Variants in SLC10A4 observed in about 807,000 individuals in gnomAD.
SLC10A4 encodes the protein putative sodium/bile acid cotransporter 4.
In SLC10A4, 17 loss-of-function variants were observed where a neutral mutation model predicts 22.5. The observed-to-expected ratio is 0.76, with a 90% CI of 0.52 to 1.14. SLC10A4 has a LOEUF of 1.14. SLC10A4 is among the 50% of genes most tolerant of loss of function. The pLI is 0.00. For missense variants in SLC10A4, 548 were observed against 584.0 expected, an observed-to-expected ratio of 0.94 and a Z score of 0.64; for synonymous variants, 257 against 258.2, an observed-to-expected ratio of 1.00 and a Z score of 0.04.
In SLC10A4 at chr4:48,483,628, C is replaced by T. The variant is rs191494036; in HGVS notation, c.67C>T (p.Pro23Ser). Reference protein sequence around the residue: ...PLLRDNYTLAPNASSLGPGTD... With the variant: ...PLLRDNYTLASNASSLGPGTD... Reference sequence around the variant, plus strand: ...GCTGCGGGACAACTACACCCTGGCGCCCAATGCCAGCAGCCTGGGCCCCGG... The same window carrying T: ...GCTGCGGGACAACTACACCCTGGCGTCCAATGCCAGCAGCCTGGGCCCCGG... The change falls in exon 1 of 3, where the codon CCC (proline) becomes TCC (serine). Residue 23 changes from proline (P) to serine (S), a missense_variant. Around this residue, in one of 3 missense-constraint regions of SLC10A4, gnomAD observed 225 missense variants for 206.9 expected, o/e 1.09. Coordinates refer to ENST00000273861, the MANE Select transcript of SLC10A4 (RefSeq NM_152679.4). This position sits in a 1 kb window ranked among gnomAD's most constrained non-coding sequence, Gnocchi z 5.4. The T allele has an allele frequency of 1.2e-4, 184 of 1,495,274 alleles. 1 individual carries two copies. In the East Asian group the frequency reaches 2.7e-3, roughly 22 times the overall value. 92.6% of individuals were successfully genotyped at this position (1,495,274 alleles called of 1,614,324 possible).
Position 48,488,833 on chromosome 4 carries a change from A to C in SLC10A4, c.1208A>C (p.Asp403Ala), listed in dbSNP as rs1462255745. 1.9e-6 allele frequency: 3 copies of C among 1,613,872 alleles called. No individual in the cohort carries two copies. Among genetic ancestry groups the C allele is most frequent in the Non-Finnish European group, 2.5e-6 (3 of 1,180,006 alleles). ...CCTCTAGATGAAGATGAAGATACAG[A>C]TATTTCTTATAAAAAACTAAAAGAA... ...RDPLDEDEDT[D>A]ISYKKLKEEE... The change falls in exon 3 of 3, where the codon GAT (aspartate) becomes GCT (alanine). Residue 403 changes from aspartate to alanine, a missense_variant. Physicochemically the swap from Asp to Ala is moderately radical, Grantham distance 126. Around this residue, in one of 3 missense-constraint regions of SLC10A4, gnomAD observed 314 missense variants for 353.2 expected, o/e 0.89. Coordinates refer to ENST00000273861, the MANE Select transcript of SLC10A4 (RefSeq NM_152679.4).
chr4:48,486,818 A>C (rs1718290328), intron 2 of SLC10A4, among the ~76,000 whole-genome samples: 1 of 152,178 alleles, frequency 6.6e-6, no homozygotes, highest in Non-Finnish European at 1.5e-5. Flanking sequence ...GGTTTCTGCC[A>C]ATTATGCATC....
rs1182444113 is a variant in SLC10A4 at position 48,484,166 on chromosome 4, A to G, written c.590+15A>G. 1.9e-6 allele frequency: 3 copies of G among 1,542,080 alleles called. No individual in the cohort carries two copies. Among genetic ancestry groups the G allele is most frequent in the South Asian group, 2.4e-5 (2 of 81,738 alleles). On this transcript the variant is annotated intron_variant, in intron 1 of 2. Transcript: ENST00000273861. ...ATGAACCTCAGGTACGGATCTGTCT[A>G]TTCCTTGGGCATCTGTCTCATCCCA... is the stretch of plus-strand genomic sequence containing the variant.
Position 48,483,494 on chromosome 4 carries a change from G to A in SLC10A4, c.-68G>A, listed in dbSNP as rs1718216274. The A allele has an allele frequency of 1.5e-6, 2 of 1,330,322 alleles. No individual in the cohort carries two copies. The highest frequency in any genetic ancestry group is 2.0e-6 in the Non-Finnish European group (2 of 1,006,462). The allele number at this position is 1,330,322 out of a possible 1,614,324, so 82.4% of individuals were successfully genotyped here. ...ACGGGCAGAACGACGGGCGGCGACT[G>A]CGGCGACCGCGGGACGGCGAGAGGC... On this transcript the variant is annotated 5_prime_UTR_variant, in exon 1 of 3. Transcript: ENST00000273861. This position sits in a 1 kb window ranked among gnomAD's most constrained non-coding sequence, Gnocchi z 5.4.
chr4:48,488,753 GA>G lies in SLC10A4; in HGVS notation c.1129del (p.Ile377PhefsTer4). On this transcript the variant is annotated frameshift_variant, in exon 3 of 3. Transcript: ENST00000273861. LOFTEE classifies it high-confidence loss of function. Reference sequence around the variant, plus strand: ...CACTTTTCCAGTCTGCAGAAGCGGGGATTTTTGTTTTAATCTATAAAATGTA... The same window carrying G: ...CACTTTTCCAGTCTGCAGAAGCGGGGTTTTTGTTTTAATCTATAAAATGTA... ...YALFQSAEAG[I>X]FVLIYKMYGS... 6.2e-7 allele frequency: 1 copy of G among 1,614,014 alleles called. No individual in the cohort carries two copies. Among genetic ancestry groups the G allele is most frequent in the Non-Finnish European group, 8.5e-7 (1 of 1,180,020 alleles).
At position 48,483,493 on chromosome 4, in the gene SLC10A4, TGCGGCGACC is replaced by T; in HGVS notation, c.-64_-56del. 7.6e-7 allele frequency: 1 copy of T among 1,321,748 alleles called. No homozygotes were observed. Among genetic ancestry groups the T allele is most frequent in the Non-Finnish European group, 1.0e-6 (1 of 999,720 alleles). The allele number at this position is 1,321,748 out of a possible 1,614,324, so 81.9% of individuals were successfully genotyped here. On this transcript the variant is annotated 5_prime_UTR_variant, in exon 1 of 3. Coordinates refer to ENST00000273861, the MANE Select transcript of SLC10A4 (RefSeq NM_152679.4). The surrounding 1 kb of genome is among the most constrained non-coding windows in gnomAD (Gnocchi z 5.4). The stretch of plus-strand genomic sequence containing the variant: ...GACGGGCAGAACGACGGGCGGCGAC[TGCGGCGACC>T]GCGGGACGGCGAGAGGCACGCGGCG...
rs1394149595 is a variant in SLC10A4, at chr4:48,483,364, G to C, written c.-198G>C. 3.4e-6 allele frequency: 1 copy of C among 293,438 alleles called. No individual in the cohort carries two copies. The allele number at this position is 293,438 out of a possible 1,614,324, so 18.2% of individuals were successfully genotyped here. A position where few individuals can be genotyped will look rare whatever the true frequency, so the allele number is the denominator to read the frequency against. On this transcript the variant is annotated 5_prime_UTR_variant, in exon 1 of 3. Coordinates refer to ENST00000273861, the MANE Select transcript of SLC10A4 (RefSeq NM_152679.4). This position sits in a 1 kb window ranked among gnomAD's most constrained non-coding sequence, Gnocchi z 5.4. The stretch of plus-strand genomic sequence containing the variant: ...GTTCACCCGGGGGGCCGCGCTGCGC[G>C]GAGTGCCAGGCTGCGGGCGGCTGCA...
At position 48,488,462 on chromosome 4, in the gene SLC10A4, C is replaced by T. The variant is rs754607797; in HGVS notation, c.837C>T (p.Val279=). The T allele has an allele frequency of 6.8e-6, 11 of 1,611,612 alleles. No individual in the cohort carries two copies. Among genetic ancestry groups the T allele is most frequent in the Non-Finnish European group, 8.5e-6 (10 of 1,178,740 alleles). Reference sequence around the variant, plus strand: ...GGTCTCTGCTAGTGACTCTGGTGGTCCTTTTCATAATGACCGGCACTATGT... The same window carrying T: ...GGTCTCTGCTAGTGACTCTGGTGGTTCTTTTCATAATGACCGGCACTATGT... ...SLWSLLVTLV[V]LFIMTGTMLG... The change falls in exon 3 of 3, where the codon GTC becomes GTT. Residue 279 remains valine (V), a synonymous_variant. Coordinates refer to ENST00000273861, the MANE Select transcript of SLC10A4 (RefSeq NM_152679.4).
intron 1 of SLC10A4, among the ~76,000 whole-genome samples, chr4:48,484,362 G>A (rs1718241296): frequency 6.6e-6 from 1 of 152,236 alleles, no homozygotes; most frequent in Non-Finnish European, 1.5e-5. Context: ...AGACGGCGAG[G>A]GAGCTGCTCC....
chr4:48,487,228 C>T (rs150607740), intron 2 of SLC10A4, among the ~76,000 whole-genome samples: 310 of 152,212 alleles, frequency 2.0e-3, no homozygotes, highest in African/African-American at 7.0e-3. Flanking sequence ...TGTAATAATA[C>T]GTAAGCATCA....
At chr4:48,485,682 A>T (rs533558255) in intron 2 of SLC10A4, among the ~76,000 whole-genome samples, 3 of 152,328 alleles carry the variant, frequency 2.0e-5, no homozygotes, top group African/African-American at 7.2e-5. Flanking sequence ...GAACACACAA[A>T]ATATTGGCTT....
intron 2 of SLC10A4, among the ~76,000 whole-genome samples, chr4:48,486,934 G>A (rs1028271327): frequency 1.3e-5 from 2 of 152,028 alleles, no homozygotes; most frequent in African/African-American, 2.4e-5. Context: ...GTAGAGTTAC[G>A]CCATTCCCGA....
intron 2 of SLC10A4, 56 bp from the exon 3 acceptor site, chr4:48,488,371 G>A (rs1718321001): frequency 1.4e-6 from 2 of 1,475,432 alleles, no homozygotes; most frequent in East Asian, 4.6e-5. Flanking sequence ...CGTGAGCTTA[G>A]GATTCTCTCG....
In SLC10A4 at chr4:48,483,351, G is replaced by A. The variant is rs1327831687; in HGVS notation, c.-211G>A. 1 of 248,784 alleles carries A rather than the reference G, an allele frequency of 4.0e-6. No individual in the cohort carries two copies. Among genetic ancestry groups the A allele is most frequent in the African/African-American group, 2.3e-5 (1 of 43,696 alleles). 15.4% of individuals were successfully genotyped at this position (248,784 alleles called of 1,614,324 possible). On this transcript the variant is annotated 5_prime_UTR_variant, in exon 1 of 3. Coordinates refer to ENST00000273861, the MANE Select transcript of SLC10A4 (RefSeq NM_152679.4). The surrounding 1 kb of genome is among the most constrained non-coding windows in gnomAD (Gnocchi z 5.4). Reference sequence around the variant, plus strand: ...GCGCAGCGATTGGGTTCACCCGGGGGGCCGCGCTGCGCGGAGTGCCAGGCT... The same window carrying A: ...GCGCAGCGATTGGGTTCACCCGGGGAGCCGCGCTGCGCGGAGTGCCAGGCT...
At position 48,483,957 on chromosome 4, in the gene SLC10A4, C is replaced by T. The variant is rs1465798668; in HGVS notation, c.396C>T (p.His132=). The T allele has an allele frequency of 1.3e-6, 2 of 1,545,468 alleles. No homozygotes were observed. Among genetic ancestry groups the T allele is most frequent in the Non-Finnish European group, 1.7e-6 (2 of 1,146,992 alleles). The change falls in exon 1 of 3, where the codon CAC becomes CAT. Residue 132 remains histidine (H), a synonymous_variant. Transcript: ENST00000273861. The surrounding 1 kb of genome is among the most constrained non-coding windows in gnomAD (Gnocchi z 5.4). ...CTVDVNHFGA[H]VRRPVGALLA... ...TGGACGTGAACCACTTCGGGGCGCA[C>T]GTCCGTCGGCCCGTGGGCGCGCTGC...
chr4:48,488,618 T>G lies in SLC10A4; in HGVS notation c.993T>G (p.Thr331=), dbSNP rs373662996. The G allele has an allele frequency of 3.1e-6, 5 of 1,614,004 alleles. No individual in the cohort carries two copies. The African/African-American group carries it at 5.3e-5, about 17-fold the overall frequency. ...ATCTTCCACCCAACTGCAAGAGGAC[T>G]GTATGTCTGGAAACAGGTAGTCAGA... ...LFHLPPNCKR[T]VCLETGSQNV... Residue 331 remains threonine (T), a synonymous_variant, in exon 3 of 3, where the codon ACT becomes ACG. Coordinates refer to ENST00000273861, the MANE Select transcript of SLC10A4 (RefSeq NM_152679.4).
At chr4:48,487,051 A>T (rs950365387) in intron 2 of SLC10A4, among the ~76,000 whole-genome samples, 1 of 152,160 alleles carries the variant, frequency 6.6e-6, no homozygotes, top group Admixed American at 6.5e-5. Context: ...TTAAAAAAAA[A>T]TAAGTTAACT....
In SLC10A4 at chr4:48,484,046, A is replaced by T; in HGVS notation, c.485A>T (p.Lys162Met). The part of the protein sequence containing the change: ...LLAFLLALAF[K>M]LDEVAAVAVL... Reference sequence around the variant, plus strand: ...GCCTTCCTGCTGGCCCTCGCCTTCAAGCTGGACGAGGTGGCCGCCGTGGCG... The same window carrying T: ...GCCTTCCTGCTGGCCCTCGCCTTCATGCTGGACGAGGTGGCCGCCGTGGCG... Residue 162 changes from lysine (K) to methionine (M), a missense_variant, in exon 1 of 3, where the codon AAG becomes ATG. Lys to Met is a moderately conservative substitution (Grantham distance 95). This residue lies in a region of SLC10A4 where 314 missense variants were observed against 353.2 expected (regional missense o/e 0.89). Coordinates refer to ENST00000273861, the MANE Select transcript of SLC10A4 (RefSeq NM_152679.4). 1.2e-6 allele frequency: 2 copies of T among 1,601,988 alleles called. No individual in the cohort carries two copies. The highest frequency in any genetic ancestry group is 1.7e-6 in the Non-Finnish European group (2 of 1,177,982).
chr4:48,485,223 G>C, intron 2 of SLC10A4, 81 bp downstream of exon 2: 1 of 1,444,612 alleles, frequency 6.9e-7, no homozygotes, highest in Non-Finnish European at 9.7e-7. Context: ...AGGAAGTTTG[G>C]AGAAGGCGGA....
Sources: gnomAD v4.1 joint callset for allele counts (sites outside exome capture counted in the v4.1 genomes callset) on GRCh38, gnomAD v4.1.1 for gene constraint, gnomAD v4.1.1 regional missense constraint, Gnocchi (gnomAD v3.1) non-coding constraint, MANE v1.5 for transcripts, NCBI Gene and HGNC (gene_info 2026-07-23, HGNC 2026-07-21) for gene names.